Variants in ARMH3 observed in about 807,000 individuals in gnomAD.
ARMH3 encodes armadillo-like helical domain-containing protein 3.
ARMH3 carries 60 observed loss-of-function variants against 99.1 expected under a neutral mutation model. The ratio of observed to expected loss-of-function variants is 0.61; its 90% CI spans 0.49 to 0.75. ARMH3 has a LOEUF of 0.75. Ranked by LOEUF, ARMH3 falls within the 30% of genes least tolerant of loss-of-function variation. ARMH3 has a pLI of 0.00. For synonymous variants in ARMH3, 285 were observed against 292.8 expected, an observed-to-expected ratio of 0.97 and a Z score of 0.27; for missense variants, 679 against 843.1, an observed-to-expected ratio of 0.81 and a Z score of 2.41.
intron 24 of ARMH3, among the ~76,000 whole-genome samples, chr10:101,856,985 C>T (rs1020448811): frequency 6.6e-6 from 1 of 152,048 alleles, no homozygotes; most frequent in African/African-American, 2.4e-5. Context: ...ATTTGGGACA[C>T]ATCTATCCTG....
chr10:101,848,415 A>G (rs974469850), intron 25 of ARMH3, among the ~76,000 whole-genome samples: 1 of 152,194 alleles, frequency 6.6e-6, no homozygotes, highest in African/African-American at 2.4e-5. Flanking sequence ...GAGGGTTCCA[A>G]GAGGAATCTG....
chr10:102,050,924 G>A (rs186277645), intron 1 of ARMH3, among the ~76,000 whole-genome samples: 153 of 150,058 alleles, frequency 1.0e-3, no homozygotes, highest in Non-Finnish European at 1.8e-3. Context: ...TTGGGAGGCC[G>A]AGGCAGATCA....
Position 102,012,813 on chromosome 10 carries a change from T to C in ARMH3, c.770+20A>G. Reference sequence around the variant, plus strand: ...CAAATGAAAATCAGACCCCCTTCCATTCTGGAAAGGTGGACTTACCTGTTG... The same window carrying C: ...CAAATGAAAATCAGACCCCCTTCCACTCTGGAAAGGTGGACTTACCTGTTG... On this transcript the variant is annotated intron_variant, in intron 10 of 25. Coordinates refer to ENST00000370033, the MANE Select transcript of ARMH3 (RefSeq NM_024541.3). 6.2e-7 allele frequency: 1 copy of C among 1,600,304 alleles called. No homozygotes were observed. Among genetic ancestry groups the C allele is most frequent in the Non-Finnish European group, 8.5e-7 (1 of 1,170,638 alleles).
intron 20 of ARMH3, among the ~76,000 whole-genome samples, chr10:101,961,194 C>G (rs893116058): frequency 8.5e-5 from 13 of 152,194 alleles, no homozygotes; most frequent in African/African-American, 3.1e-4. Context: ...AAGCTTTGCT[C>G]AGCACGAGCC....
chr10:101,921,352 C>A (rs1019765788), intron 23 of ARMH3, among the ~76,000 whole-genome samples: 6 of 152,120 alleles, frequency 3.9e-5, no homozygotes, highest in Admixed American at 2.0e-4. Flanking sequence ...AAAGGGACTA[C>A]TGACTGGAAA....
At chr10:102,007,444 A>T (rs1017893396) in intron 13 of ARMH3, among the ~76,000 whole-genome samples, 33 of 151,824 alleles carry the variant, frequency 2.2e-4, no homozygotes, top group Non-Finnish European at 4.6e-4. Context: ...AGATCAACCT[A>T]AAACACATCA....
rs1308266811 is a variant in ARMH3 at position 101,956,761 on chromosome 10, C to T, written c.1579-38G>A. ...GAAAGGCCCATATATAGGCATCAGG[C>T]TATGAAGACTAAAAATTATCAGTGG... On this transcript the variant is annotated intron_variant, in intron 21 of 25. Coordinates refer to ENST00000370033, the MANE Select transcript of ARMH3 (RefSeq NM_024541.3). The T allele has an allele frequency of 2.5e-6, 4 of 1,598,616 alleles. No homozygotes were observed. In the South Asian group the frequency reaches 3.3e-5, roughly 13 times the overall value.
At position 102,009,393 on chromosome 10, in the gene ARMH3, A is replaced by C. The variant is rs780711122; in HGVS notation, c.935T>G (p.Phe312Cys). The change falls in exon 13 of 26, where the codon TTC (phenylalanine) becomes TGC (cysteine). Residue 312 changes from phenylalanine (F) to cysteine (C), a missense_variant. Physicochemically the swap from Phe to Cys is radical, Grantham distance 205. This residue lies in a region of ARMH3 where 10 missense variants were observed against 32.0 expected (regional missense o/e 0.31). Coordinates refer to ENST00000370033, the MANE Select transcript of ARMH3 (RefSeq NM_024541.3). ...ACCAACCTGAGCTAATACTGTGATG[A>C]AGTTGCGATTTAAATGAACAGCTTC... ...LYEAVHLNRN[F>C]ITVLAQSHPE... The C allele has an allele frequency of 6.2e-7, 1 of 1,613,980 alleles. No homozygotes were observed. The highest frequency in any genetic ancestry group is 1.1e-5 in the South Asian group (1 of 91,078).
chr10:101,862,795 G>T (rs527587525), intron 24 of ARMH3, among the ~76,000 whole-genome samples: 1 of 152,266 alleles, frequency 6.6e-6, no homozygotes, highest in East Asian at 1.9e-4. Flanking sequence ...AAGCAAGATG[G>T]TAGTTTTTAA....
intron 19 of ARMH3, among the ~76,000 whole-genome samples, chr10:101,978,865 G>A (rs1156664136): frequency 1.2e-4 from 19 of 152,002 alleles, no homozygotes; most frequent in Non-Finnish European, 2.4e-4. Flanking sequence ...GCTTGAACCC[G>A]GGAGGTCGAA....
chr10:101,875,333 T>TA (rs1296737586), intron 24 of ARMH3, among the ~76,000 whole-genome samples: 1 of 152,238 alleles, frequency 6.6e-6, no homozygotes, highest in Non-Finnish European at 1.5e-5. Flanking sequence ...TGGGTGCTTA[T>TA]AGTGACTTTC....
At chr10:101,953,208 C>G (rs1844875179) in intron 22 of ARMH3, among the ~76,000 whole-genome samples, 1 of 152,190 alleles carries the variant, frequency 6.6e-6, no homozygotes, top group Non-Finnish European at 1.5e-5. Context: ...CAGCTCACTG[C>G]AACCTCAGCC....
At chr10:101,944,954 T>C (rs1298867885) in intron 22 of ARMH3, among the ~76,000 whole-genome samples, 1 of 152,214 alleles carries the variant, frequency 6.6e-6, no homozygotes, top group Non-Finnish European at 1.5e-5. Flanking sequence ...AAAAATTTTA[T>C]ATTAAACAAA....
chr10:101,954,021 G>A (rs935985958), intron 22 of ARMH3, among the ~76,000 whole-genome samples: 4 of 152,038 alleles, frequency 2.6e-5, no homozygotes, highest in Non-Finnish European at 5.9e-5. Flanking sequence ...GCGAAACCCT[G>A]TCTCTACTAA....
intron 23 of ARMH3, among the ~76,000 whole-genome samples, chr10:101,932,738 T>A (rs1843773000): frequency 6.6e-6 from 1 of 152,190 alleles, no homozygotes; most frequent in South Asian, 2.1e-4. Flanking sequence ...AACAGAATGA[T>A]AATAGCCAGA....
intron 20 of ARMH3, among the ~76,000 whole-genome samples, chr10:101,962,178 G>T (rs1845325039): frequency 1.3e-5 from 2 of 152,242 alleles, no homozygotes; most frequent in African/African-American, 4.8e-5. Flanking sequence ...GCTTGTCGCA[G>T]AGAATATCCT....
chr10:102,043,260 G>C (rs894489684), intron 1 of ARMH3, among the ~76,000 whole-genome samples: 2 of 152,176 alleles, frequency 1.3e-5, no homozygotes, highest in Admixed American at 1.3e-4. Context: ...GCAGAACTGA[G>C]ATTAGAACAC....
At chr10:101,979,448 T>A (rs1320181114) in intron 19 of ARMH3, among the ~76,000 whole-genome samples, 1 of 152,218 alleles carries the variant, frequency 6.6e-6, no homozygotes, top group Non-Finnish European at 1.5e-5. Context: ...GTAGATTTTT[T>A]AATTTTTGTA....
chr10:101,904,652 TAA>T (rs535599334), intron 23 of ARMH3, among the ~76,000 whole-genome samples: 1 of 144,584 alleles, frequency 6.9e-6, no homozygotes, highest in Non-Finnish European at 1.5e-5. Context: ...GTGTTGGGAT[TAA>T]AAAAAAAAAA....
Sources: gnomAD v4.1 joint callset for allele counts (sites outside exome capture counted in the v4.1 genomes callset) on GRCh38, gnomAD v4.1.1 for gene constraint, gnomAD v4.1.1 regional missense constraint, MANE v1.5 for transcripts, NCBI Gene and HGNC (gene_info 2026-07-23, HGNC 2026-07-21) for gene names.